The following PTN variants were observed in gnomAD, a reference collection of about 807,000 sequenced individuals.
PTN encodes heparin affin regulatory protein.
Under a neutral mutation model 24.1 loss-of-function variants are expected in PTN, and 18 were observed. That is an observed-to-expected ratio of 0.75 (90% CI 0.52 to 1.11). The LOEUF is 1.11. Among genes scored for constraint, PTN ranks in the 50% least tolerant of loss-of-function variants. The pLI is 0.00. For missense variants in PTN, 163 were observed against 198.8 expected, an observed-to-expected ratio of 0.82 and a Z score of 1.08; for synonymous variants, 78 against 68.6, an observed-to-expected ratio of 1.14 and a Z score of -0.67.
At chr7:137,293,751 A>G (rs1357228108) in intron 1 of PTN, among the ~76,000 whole-genome samples, 2 of 152,106 alleles carry the variant, frequency 1.3e-5, no homozygotes, top group African/African-American at 2.4e-5. Context: ...AGAGTGGTAC[A>G]TATGTTATAA....
chr7:137,269,809 T>G (rs755822994), intron 1 of PTN, among the ~76,000 whole-genome samples: 2 of 151,884 alleles, frequency 1.3e-5, no homozygotes, highest in Non-Finnish European at 2.9e-5. Flanking sequence ...ATTTTTGTAC[T>G]CTTAGTAGAG....
At chr7:137,285,661 C>T (rs1453158750) in intron 1 of PTN, among the ~76,000 whole-genome samples, 1 of 152,160 alleles carries the variant, frequency 6.6e-6, no homozygotes, top group East Asian at 1.9e-4. Context: ...CAGAGTGAGA[C>T]TCCACCTCAA....
chr7:137,282,079 A>G (rs1809482608), intron 1 of PTN, among the ~76,000 whole-genome samples: 1 of 152,254 alleles, frequency 6.6e-6, no homozygotes. Context: ...ACTCAAATCT[A>G]TTTATAATGA....
At chr7:137,292,874 C>T (rs915911532) in intron 1 of PTN, among the ~76,000 whole-genome samples, 1 of 151,956 alleles carries the variant, frequency 6.6e-6, no homozygotes, top group Admixed American at 6.6e-5. Context: ...TGAGTTTTGG[C>T]ATGTTGGTGA....
chr7:137,249,552 T>C (rs1808785469), intron 4 of PTN, among the ~76,000 whole-genome samples: 1 of 152,186 alleles, frequency 6.6e-6, no homozygotes, highest in Non-Finnish European at 1.5e-5. Context: ...CTTTAATTTC[T>C]TTTCCTTTCA....
At chr7:137,321,153 T>C (rs917400712) in intron 1 of PTN, among the ~76,000 whole-genome samples, 59 of 152,188 alleles carry the variant, frequency 3.9e-4, no homozygotes, top group African/African-American at 1.4e-3. Context: ...TACTGAATTA[T>C]ATAACACATG....
At chr7:137,269,622 C>CTTTTTTTT (rs1194863462) in intron 1 of PTN, among the ~76,000 whole-genome samples, 3 of 106,066 alleles carry the variant, frequency 2.8e-5, no homozygotes, top group African/African-American at 1.4e-4. Flanking sequence ...GCTGCTTCAT[C>CTTTTTTTT]TATTTTTTTT....
intron 4 of PTN, among the ~76,000 whole-genome samples, chr7:137,249,650 T>C (rs966011816): frequency 1.3e-5 from 2 of 152,198 alleles, no homozygotes; most frequent in Admixed American, 6.5e-5. Flanking sequence ...TTTGCCATTT[T>C]TGGAAATGTT....
chr7:137,252,607 G>T (rs185836731), intron 3 of PTN, among the ~76,000 whole-genome samples: 18 of 151,916 alleles, frequency 1.2e-4, no homozygotes, highest in African/African-American at 4.4e-4. Context: ...ATACCCCAAA[G>T]ATTACAGAGG....
intron 1 of PTN, among the ~76,000 whole-genome samples, chr7:137,298,298 T>C (rs2128878150): frequency 6.6e-6 from 1 of 152,140 alleles, no homozygotes; most frequent in African/African-American, 2.4e-5. Context: ...TTCTTTTAAC[T>C]TAGCCAAATA....
intron 1 of PTN, among the ~76,000 whole-genome samples, chr7:137,340,433 A>G (rs1309426453): frequency 1.3e-5 from 2 of 152,210 alleles, no homozygotes; most frequent in African/African-American, 4.8e-5. Flanking sequence ...CTTGAAGTGG[A>G]TGGAAAAATA....
chr7:137,240,428 CT>C (rs1292024356), intron 4 of PTN, among the ~76,000 whole-genome samples: 5 of 152,212 alleles, frequency 3.3e-5, no homozygotes, highest in Non-Finnish European at 7.3e-5. Context: ...TATCCCTCTG[CT>C]TCTCCTACTA....
chr7:137,240,522 A>G (rs961105535), intron 4 of PTN, among the ~76,000 whole-genome samples: 1 of 152,212 alleles, frequency 6.6e-6, no homozygotes, highest in Non-Finnish European at 1.5e-5. Context: ...TATTTGCTGA[A>G]AGAACAGTAG....
chr7:137,259,685 A>G, intron 1 of PTN, among the ~76,000 whole-genome samples: 1 of 151,650 alleles, frequency 6.6e-6, no homozygotes, highest in East Asian at 1.9e-4. Flanking sequence ...AACAAACAAA[A>G]AGGGACAGAG....
intron 1 of PTN, among the ~76,000 whole-genome samples, chr7:137,316,366 C>T (rs768198596): frequency 6.6e-6 from 1 of 152,088 alleles, no homozygotes; most frequent in Non-Finnish European, 1.5e-5. Flanking sequence ...TTTTCTACCC[C>T]GAGAATTTTG....
At chr7:137,255,961 A>G (rs1054928205) in intron 1 of PTN, among the ~76,000 whole-genome samples, 3 of 152,180 alleles carry the variant, frequency 2.0e-5, no homozygotes, top group African/African-American at 7.2e-5. Context: ...CTATGATCAT[A>G]GGCTGATAAT....
rs1810574840 is a variant in PTN at position 137,343,699 on chromosome 7, C to T, written c.-262G>A. 1 of 491,646 alleles carries T rather than the reference C, an allele frequency of 2.0e-6. No individual in the cohort carries two copies. The highest frequency in any genetic ancestry group is 4.1e-6 in the Non-Finnish European group (1 of 245,554). 30.5% of individuals were successfully genotyped at this position (491,646 alleles called of 1,614,324 possible). A position where few individuals can be genotyped will look rare whatever the true frequency, so the allele number is the denominator to read the frequency against. On this transcript the variant is annotated 5_prime_UTR_variant, in exon 1 of 5. Transcript: ENST00000348225. Reference sequence around the variant, plus strand: ...GATCCTGCCTTTGACTCAATTACGCCCTGACAGGGAGGGAACGGAAGGGAA... The same window carrying T: ...GATCCTGCCTTTGACTCAATTACGCTCTGACAGGGAGGGAACGGAAGGGAA...
intron 4 of PTN, among the ~76,000 whole-genome samples, chr7:137,243,436 G>A (rs1808667652): frequency 6.6e-6 from 1 of 152,156 alleles, no homozygotes; most frequent in Non-Finnish European, 1.5e-5. Context: ...CCATGGAGTA[G>A]CATCAATGCA....
chr7:137,243,230 C>T (rs989780461), intron 4 of PTN, among the ~76,000 whole-genome samples: 12 of 152,168 alleles, frequency 7.9e-5, no homozygotes, highest in Non-Finnish European at 1.5e-4. Context: ...CCACTGTGCC[C>T]GGCCTGCTCT....
Sources: allele counts gnomAD v4.1 joint callset (sites outside exome capture counted in the v4.1 genomes callset), GRCh38; gene constraint gnomAD v4.1.1; transcripts MANE v1.5; gene names NCBI Gene and HGNC (gene_info 2026-07-23, HGNC 2026-07-21).